The following YLPM1 variants were observed in gnomAD, a reference collection of about 807,000 sequenced individuals.
YLPM1 encodes YLP motif-containing protein 1.
A neutral mutation model predicts 230.0 loss-of-function variants in YLPM1; 99 were observed. The ratio of observed to expected loss-of-function variants is 0.43; its 90% confidence interval spans 0.37 to 0.51. The LOEUF (loss-of-function observed/expected upper bound fraction) is 0.51. Among genes scored for constraint, YLPM1 ranks in the 20% least tolerant of loss-of-function variants. The probability of loss-of-function intolerance (pLI) is 0.00; values close to 1 mark genes in which losing one functional copy is unlikely to be tolerated. For synonymous variants in YLPM1, 984 were observed against 942.5 expected (o/e 1.04, Z -0.81); for missense variants, 2,592 against 2,707.7 (o/e 0.96, Z 0.95).
At position 74,780,569 on chromosome 14, in the gene YLPM1, C is replaced by A; in HGVS notation, c.1275C>A (p.Pro425=). ...AACAGTATCAGCAGATTATACAGCC[C>A]CCACCACATATACAGGCAAGTGCTT... The part of the protein sequence containing the change: ...ILQQYQQIIQ[P]PPHIQTMSVD... The change falls in exon 3 of 21, where the codon CCC becomes CCA. Residue 425 remains proline, a synonymous_variant. Coordinates refer to ENST00000325680, the MANE Select transcript of YLPM1 (RefSeq NM_019589.3). 6.2e-7 allele frequency: 1 copy of A among 1,612,036 alleles called. No homozygotes were observed. Among genetic ancestry groups the A allele is most frequent in the African/African-American group, 1.3e-5 (1 of 74,990 alleles).
chr14:74,790,711 G>A (rs1201575746), intron 4 of YLPM1, among the ~76,000 whole-genome samples: 1 of 151,958 alleles, frequency 6.6e-6, no homozygotes, highest in Non-Finnish European at 1.5e-5. Flanking sequence ...GCGTTTTTAT[G>A]TGATTGTATT....
At chr14:74,792,050 T>C (rs567071829) in intron 4 of YLPM1, among the ~76,000 whole-genome samples, 2 of 152,328 alleles carry the variant, frequency 1.3e-5, no homozygotes, top group East Asian at 1.9e-4. Flanking sequence ...TGATCTGATA[T>C]ATTATTGAGG....
chr14:74,769,399 C>T (rs1330924840), intron 1 of YLPM1, among the ~76,000 whole-genome samples: 1 of 149,602 alleles, frequency 6.7e-6, no homozygotes, highest in Non-Finnish European at 1.5e-5. Context: ...CAGCCTGCCT[C>T]AGCTACTCCC....
At chr14:74,771,489 G>A (rs540471610) in intron 1 of YLPM1, among the ~76,000 whole-genome samples, 19 of 152,260 alleles carry the variant, frequency 1.2e-4, no homozygotes, top group African/African-American at 4.6e-4. Flanking sequence ...ACTTTTAATG[G>A]CAAAACCACA....
intron 4 of YLPM1, among the ~76,000 whole-genome samples, chr14:74,789,504 A>G (rs2091184417): frequency 1.3e-5 from 2 of 151,922 alleles, no homozygotes; most frequent in Non-Finnish European, 2.9e-5. Context: ...GGTGTGAGCC[A>G]TCATCCCTGG....
intron 19 of YLPM1, among the ~76,000 whole-genome samples, chr14:74,831,105 G>A (rs865861905): frequency 6.6e-5 from 10 of 152,060 alleles, no homozygotes; most frequent in Non-Finnish European, 1.3e-4. Context: ...CAATCTGATA[G>A]GTGAAAAAAA....
In YLPM1 at chr14:74,811,774, G is replaced by A. The variant is rs1237430448; in HGVS notation, c.5347+36G>A. The A allele has an allele frequency of 5.7e-6, 8 of 1,400,484 alleles. No individual in the cohort carries two copies. In the Admixed American group the frequency reaches 1.2e-4, roughly 22 times the overall value. 86.8% of individuals were successfully genotyped at this position (1,400,484 alleles called of 1,614,324 possible). ...GCCTTATTAACTACAAGGATGTTGA[G>A]AATGTAAAGCATGGGAGATGCTTTC... On this transcript the variant is annotated intron_variant, in intron 10 of 20. Coordinates refer to ENST00000325680, the MANE Select transcript of YLPM1 (RefSeq NM_019589.3).
intron 1 of YLPM1, among the ~76,000 whole-genome samples, chr14:74,767,956 T>A (rs1183664943): frequency 6.6e-6 from 1 of 152,186 alleles, no homozygotes; most frequent in Non-Finnish European, 1.5e-5. Flanking sequence ...GTCCCTCTAC[T>A]GTAAAGCTTT....
Position 74,810,386 on chromosome 14 carries a change from C to G in YLPM1, c.5194C>G (p.Arg1732Gly). 6.2e-7 allele frequency: 1 copy of G among 1,613,008 alleles called. No individual in the cohort carries two copies. Among genetic ancestry groups the G allele is most frequent in the Non-Finnish European group, 8.5e-7 (1 of 1,179,702 alleles). The change falls in exon 9 of 21, where the codon CGA (arginine) becomes GGA (glycine). Residue 1732 changes from arginine to glycine, a missense_variant. Arg to Gly is a moderately radical substitution (Grantham distance 125). This residue lies in a region of YLPM1 where 403 missense variants were observed against 426.7 expected (regional missense o/e 0.94). Transcript: ENST00000325680. ...TGGTGTTATTGACTATGACCGGGAT[C>G]GATTTGACAGAGAACGCCGACCCCG... ...DRGVIDYDRD[R>G]FDRERRPRDD... is the part of the protein sequence containing the mutation.
intron 8 of YLPM1, 29 bp from the exon 9 acceptor site, chr14:74,810,196 T>G: frequency 6.2e-7 from 1 of 1,602,554 alleles, no homozygotes; most frequent in Non-Finnish European, 8.5e-7. Flanking sequence ...AAAAGGGATA[T>G]AGTTATTTTG....
chr14:74,768,267 TGAGA>T (rs1328535965), intron 1 of YLPM1, among the ~76,000 whole-genome samples: 1 of 152,044 alleles, frequency 6.6e-6, no homozygotes, highest in African/African-American at 2.4e-5. Flanking sequence ...TGTTTGTTTC[TGAGA>T]GAGAGTCTCA....
chr14:74,815,800 C>CTT (rs915252124), intron 11 of YLPM1, among the ~76,000 whole-genome samples: 1 of 151,908 alleles, frequency 6.6e-6, no homozygotes, highest in Non-Finnish European at 1.5e-5. Context: ...TATCAATTTC[C>CTT]TTTTAAGCAC....
At chr14:74,821,308 C>A in intron 17 of YLPM1, 171 bp downstream of exon 17, 2 of 955,174 alleles carry the variant, frequency 2.1e-6, no homozygotes, top group Non-Finnish European at 2.9e-6. Context: ...TTCCCCAGAC[C>A]AAAAGAACCC....
At chr14:74,829,134 G>A (rs1174772144) in intron 18 of YLPM1, 79 bp from the exon 19 acceptor site, 13 of 1,565,282 alleles carry the variant, frequency 8.3e-6, no homozygotes, top group Non-Finnish European at 1.0e-5. Context: ...AAGCGTTCCA[G>A]CCTTCTTTTC....
Position 74,824,252 on chromosome 14 carries a change from T to C in YLPM1, c.6112-4T>C, listed in dbSNP as rs2091545614. 2 of 1,612,044 alleles carry C rather than the reference T, an allele frequency of 1.2e-6. No individual in the cohort carries two copies. Among genetic ancestry groups the C allele is most frequent in the Non-Finnish European group, 1.7e-6 (2 of 1,178,772 alleles). ...CTTCGAGCTTCTCTCTGTGTACGAT[T>C]TAGGGTTACATTCCGAAAAGCAAAT... On this transcript the variant is annotated splice_polypyrimidine_tract_variant and splice_region_variant and intron_variant, in intron 17 of 20. Coordinates refer to ENST00000325680, the MANE Select transcript of YLPM1 (RefSeq NM_019589.3).
intron 11 of YLPM1, among the ~76,000 whole-genome samples, chr14:74,813,188 C>G (rs2091450321): frequency 6.6e-6 from 1 of 152,192 alleles, no homozygotes; most frequent in African/African-American, 2.4e-5. Flanking sequence ...ATTAGACTGA[C>G]TCCATTTGAA....
At chr14:74,775,145 T>A (rs1037737261) in intron 1 of YLPM1, among the ~76,000 whole-genome samples, 15 of 152,202 alleles carry the variant, frequency 9.9e-5, no homozygotes, top group Non-Finnish European at 1.5e-5. Flanking sequence ...AGATGGAGTT[T>A]ATGAGATGGA....
At position 74,836,759 on chromosome 14, in the gene YLPM1, G is replaced by T. The variant is rs1291343442; in HGVS notation, c.*1021G>T. Reference sequence around the variant, plus strand: ...CAGGTTTTCAAGTTCTTGCCAGATTGTTCATTACTGGAAAGCATGGCCTTC... The same window carrying T: ...CAGGTTTTCAAGTTCTTGCCAGATTTTTCATTACTGGAAAGCATGGCCTTC... On this transcript the variant is annotated 3_prime_UTR_variant, in exon 21 of 21. Coordinates refer to ENST00000325680, the MANE Select transcript of YLPM1 (RefSeq NM_019589.3). 6.6e-6 allele frequency: 1 copy of T among 152,586 alleles called. No individual in the cohort carries two copies. Among genetic ancestry groups the T allele is most frequent in the African/African-American group, 2.4e-5 (1 of 41,438 alleles). The allele number at this position is 152,586 out of a possible 1,614,324, so 9.5% of individuals were successfully genotyped here. A position where few individuals can be genotyped will look rare whatever the true frequency, so the allele number is the denominator to read the frequency against.
At chr14:74,767,208 G>A (rs913035006) in intron 1 of YLPM1, among the ~76,000 whole-genome samples, 1 of 152,074 alleles carries the variant, frequency 6.6e-6, no homozygotes, top group Non-Finnish European at 1.5e-5. Flanking sequence ...TAAACACATT[G>A]TTAACACCTA....
Sources: allele counts gnomAD v4.1 joint callset (sites outside exome capture counted in the v4.1 genomes callset), GRCh38; gene constraint gnomAD v4.1.1; regional missense constraint gnomAD v4.1.1; transcripts MANE v1.5; gene names NCBI Gene and HGNC (gene_info 2026-07-23, HGNC 2026-07-21).